LRRC9: variants seen among roughly 807,000 people sequenced by gnomAD.
LRRC9 encodes the protein leucine rich repeat containing 9, also known as leucine-rich repeat-containing protein 9.
Under a neutral mutation model 63.2 loss-of-function variants are expected in LRRC9, and 122 were observed. The observed-to-expected ratio is 1.93, with a 90% confidence interval of 1.67 to 2.24. The LOEUF (loss-of-function observed/expected upper bound fraction) is 2.24. Ranked by LOEUF, LRRC9 falls within the 30% of genes most tolerant of loss-of-function variation. The pLI is 0.00. For synonymous variants in LRRC9, 366 were observed against 213.1 expected (o/e 1.72, Z -6.25); for missense variants, 1,071 against 627.7 (o/e 1.71, Z -7.55).
chr14:59,998,209 GA>G (rs1460042829), intron 18 of LRRC9, among the ~76,000 whole-genome samples: 2 of 152,114 alleles, frequency 1.3e-5, no homozygotes, highest in East Asian at 3.9e-4. Context: ...AATACAGTGA[GA>G]GGGGCACACT....
chr14:60,037,143 A>C (rs1892510687), intron 29 of LRRC9, among the ~76,000 whole-genome samples: 1 of 151,926 alleles, frequency 6.6e-6, no homozygotes, highest in South Asian at 2.1e-4. Context: ...TATGTGCCAC[A>C]TTTTCTTAAT....
Position 60,063,256 on chromosome 14 carries a change from TAA to T in LRRC9, c.4277-66_4277-65del, listed in dbSNP as rs576610989. 854 of 680,334 alleles carry T rather than the reference TAA, an allele frequency of 1.3e-3. 17 individuals are homozygous for T. Among genetic ancestry groups the T allele is most frequent in the South Asian group, 0.012 (732 of 63,404 alleles). 42.1% of individuals were successfully genotyped at this position (680,334 alleles called of 1,614,324 possible). A position where few individuals can be genotyped will look rare whatever the true frequency, so the allele number is the denominator to read the frequency against. ...GAAATTATTTATTGCAGAATTACCT[TAA>T]GTTAGCTGATCCATTACAAAATTAA... On this transcript the variant is annotated intron_variant, in intron 31 of 31. Transcript: ENST00000445360.
chr14:59,992,685 A>G (rs916555673), intron 17 of LRRC9, among the ~76,000 whole-genome samples: 1 of 152,224 alleles, frequency 6.6e-6, no homozygotes, highest in African/African-American at 2.4e-5. Flanking sequence ...AGCCAATTCG[A>G]TCAACTGGAA....
At chr14:59,941,476 A>G (rs933581844) in intron 7 of LRRC9, among the ~76,000 whole-genome samples, 24 of 151,714 alleles carry the variant, frequency 1.6e-4, no homozygotes, top group Non-Finnish European at 8.8e-5. Context: ...TAATAATAAA[A>G]TATCTATTAA....
chr14:59,951,874 C>T (rs1393725968), intron 8 of LRRC9, among the ~76,000 whole-genome samples: 3 of 152,174 alleles, frequency 2.0e-5, no homozygotes, highest in East Asian at 1.9e-4. Context: ...TCTCCAGCTG[C>T]GTTCTGGGAG....
chr14:59,975,078 G>A, intron 13 of LRRC9, among the ~76,000 whole-genome samples: 1 of 60,270 alleles, frequency 1.7e-5, no homozygotes, highest in Non-Finnish European at 4.0e-5. Flanking sequence ...GTGTGTGTGT[G>A]TGTGTGTAGT....
chr14:60,008,235 C>T, intron 23 of LRRC9, 21 bp downstream of exon 23: 1 of 693,516 alleles, frequency 1.4e-6, no homozygotes, highest in Non-Finnish European at 2.6e-6. Context: ...TTATGACTCA[C>T]AACATTTGGT....
intron 12 of LRRC9, among the ~76,000 whole-genome samples, chr14:59,973,780 C>A (rs2082115612): frequency 1.3e-5 from 2 of 151,808 alleles, no homozygotes; most frequent in South Asian, 4.1e-4. Context: ...TTCAGAATGT[C>A]TTTGGATTGC....
At chr14:60,034,506 T>C (rs1018255094) in intron 29 of LRRC9, among the ~76,000 whole-genome samples, 3 of 152,094 alleles carry the variant, frequency 2.0e-5, no homozygotes, top group Non-Finnish European at 4.4e-5. Flanking sequence ...TCATCCCCGC[T>C]CCCCGTCCCA....
At chr14:60,035,390 G>T (rs867099930) in intron 29 of LRRC9, among the ~76,000 whole-genome samples, 11 of 152,206 alleles carry the variant, frequency 7.2e-5, no homozygotes, top group Non-Finnish European at 1.3e-4. Context: ...TTGGTTGCCT[G>T]TGCTTTTGAT....
Position 59,975,140 on chromosome 14 carries a change from CATATATATA to C in LRRC9, c.1639+433_1639+441del, listed in dbSNP as rs1886092606. On this transcript the variant is annotated intron_variant, in intron 13 of 31. Coordinates refer to ENST00000445360, the Ensembl canonical transcript of LRRC9. Reference sequence around the variant, plus strand: ...ATATATATATATGTATATATATATACATATATATATGTATATATATATATGTATATATAT... The same window carrying C: ...ATATATATATATGTATATATATATACTGTATATATATATATGTATATATAT... 9.6e-4 allele frequency among the ~76,000 whole-genome samples: 13 copies of C among 13,514 alleles called. 3 individuals carry two copies. The South Asian group carries it at 0.024, about 25-fold the overall frequency. 8.9% of individuals were successfully genotyped at this position (13,514 alleles called of 152,430 possible).
chr14:60,018,353 T>A lies in LRRC9; in HGVS notation c.3318-18T>A, dbSNP rs1890861665. 1 of 699,854 alleles carries A rather than the reference T, an allele frequency of 1.4e-6. No individual in the cohort carries two copies. The highest frequency in any genetic ancestry group is 2.6e-6 in the Non-Finnish European group (1 of 382,888). 43.4% of individuals were successfully genotyped at this position (699,854 alleles called of 1,614,324 possible). A position where few individuals can be genotyped will look rare whatever the true frequency, so the allele number is the denominator to read the frequency against. On this transcript the variant is annotated intron_variant, in intron 24 of 31. Transcript: ENST00000445360. ...GTCCTATTAAAATAATAGCTGTATT[T>A]ACTTTGTCTAAATTCAGAACAGTGG...
chr14:59,938,672 G>T lies in LRRC9; in HGVS notation c.726+100G>T. On this transcript the variant is annotated intron_variant, in intron 7 of 31. Transcript: ENST00000445360. This position sits in a 1 kb window ranked among gnomAD's most constrained non-coding sequence, Gnocchi z 4.2. ...TACGGTAGGTAGGATTATCAGTTCAGTTCTTGTTGCCAAGTCTGCTTTTGC... is the reference window on the plus strand; with the variant it reads ...TACGGTAGGTAGGATTATCAGTTCATTTCTTGTTGCCAAGTCTGCTTTTGC... 2.0e-6 allele frequency: 1 copy of T among 495,644 alleles called. No individual in the cohort carries two copies. Among genetic ancestry groups the T allele is most frequent in the Non-Finnish European group, 3.5e-6 (1 of 283,662 alleles). 30.7% of individuals were successfully genotyped at this position (495,644 alleles called of 1,614,324 possible). A position where few individuals can be genotyped will look rare whatever the true frequency, so the allele number is the denominator to read the frequency against.
chr14:59,949,024 A>G (rs1225802844), intron 8 of LRRC9, among the ~76,000 whole-genome samples: 1 of 103,660 alleles, frequency 9.6e-6, no homozygotes, highest in Non-Finnish European at 1.9e-5. Flanking sequence ...CTGGCCTCAT[A>G]AAATGAGTTA....
At chr14:59,968,740 G>A (rs1410941589) in intron 12 of LRRC9, among the ~76,000 whole-genome samples, 1 of 152,130 alleles carries the variant, frequency 6.6e-6, no homozygotes, top group African/African-American at 2.4e-5. Context: ...GGAAGGATGA[G>A]GCTAACACTT....
Position 59,944,675 on chromosome 14 carries a change from TGATCAAAA to T in LRRC9, c.814_821del (p.Asp272MetfsTer27). 4.5e-6 allele frequency: 3 copies of T among 664,790 alleles called. No individual in the cohort carries two copies. Among genetic ancestry groups the T allele is most frequent in the Middle Eastern group, 2.3e-4 (1 of 4,262 alleles). 41.2% of individuals were successfully genotyped at this position (664,790 alleles called of 1,614,324 possible). ...TTAAAGAAGACCTTGAAAAACTGAA[TGATCAAAA>T]ATGCAAATTACAAAAGTTGCCAGAA... On this transcript the variant is annotated frameshift_variant, in exon 8 of 32. Transcript: ENST00000445360. LOFTEE classifies it high-confidence loss of function.
chr14:59,947,209 T>TG (rs1882534577), intron 8 of LRRC9, among the ~76,000 whole-genome samples: 1 of 151,266 alleles, frequency 6.6e-6, no homozygotes, highest in Admixed American at 6.6e-5. Context: ...CTAACTGGTG[T>TG]GAGATGATAT....
At chr14:60,057,828 T>G (rs1168238473) in intron 30 of LRRC9, 50 bp from the exon 31 acceptor site, 1 of 586,882 alleles carries the variant, frequency 1.7e-6, no homozygotes. Flanking sequence ...AGCCTATTGA[T>G]CTGAGTTTTG....
intron 29 of LRRC9, among the ~76,000 whole-genome samples, chr14:60,034,862 C>T (rs1892300534): frequency 6.6e-6 from 1 of 152,124 alleles, no homozygotes; most frequent in Non-Finnish European, 1.5e-5. Context: ...GATACATACC[C>T]AGTAGTGGAA....
Sources: allele counts gnomAD v4.1 joint callset (sites outside exome capture counted in the v4.1 genomes callset), GRCh38; gene constraint gnomAD v4.1.1; non-coding constraint Gnocchi (gnomAD v3.1); transcripts MANE v1.5; gene names NCBI Gene and HGNC (gene_info 2026-07-23, HGNC 2026-07-21).